The following MEGF9 variants were observed in gnomAD, a reference collection of about 807,000 sequenced individuals.
The protein encoded by MEGF9 is multiple epidermal growth factor-like domains protein 9.
A neutral mutation model predicts 46.8 loss-of-function variants in MEGF9; 6 were observed. The observed-to-expected ratio is 0.13, with a 90% CI of 0.07 to 0.25. MEGF9 has a LOEUF of 0.25. Among genes scored for constraint, MEGF9 ranks in the 10% least tolerant of loss-of-function variants. The pLI, the probability that MEGF9 is intolerant of heterozygous loss-of-function variation, is 1.00. For missense variants in MEGF9, 683 were observed against 792.4 expected (o/e 0.86, Z 1.66); for synonymous variants, 302 against 330.7 (o/e 0.91, Z 0.94).
At position 120,619,380 on chromosome 9, in the gene MEGF9, G is replaced by A. The variant is rs184983421; in HGVS notation, c.943+3236C>T. Among the ~76,000 whole-genome samples, 418 of 152,144 alleles carry A rather than the reference G, an allele frequency of 2.7e-3. 5 individuals are homozygous for A. The highest frequency in any genetic ancestry group is 4.3e-3 in the Non-Finnish European group (289 of 67,996). ...ACAAAACAAAACAAAACATTTTATC[G>A]AGAACATAGTAACAGTTACCATTTA... On this transcript the variant is annotated intron_variant, in intron 3 of 5. Coordinates refer to ENST00000373930, the MANE Select transcript of MEGF9 (RefSeq NM_001080497.3).
chr9:120,647,262 CAT>C (rs1226821171), intron 2 of MEGF9, among the ~76,000 whole-genome samples: 1 of 151,546 alleles, frequency 6.6e-6, no homozygotes, highest in Admixed American at 6.6e-5. Context: ...CTGAAAAAAA[CAT>C]AGAGCTTTCC....
At position 120,624,653 on chromosome 9, in the gene MEGF9, G is replaced by A. The variant is rs377142911; in HGVS notation, c.804-1898C>T. On this transcript the variant is annotated intron_variant, in intron 2 of 5. Transcript: ENST00000373930. ...AGGCTGAGGTGGGTGGGTCACTTGA[G>A]GTCACAAGTTCAAGACCAGTGATCA... Among the ~76,000 whole-genome samples, 34 of 152,154 alleles carry A rather than the reference G, an allele frequency of 2.2e-4. 1 individual carries two copies. In the South Asian group the frequency reaches 7.1e-3, roughly 32 times the overall value.
chr9:120,645,932 C>T, intron 2 of MEGF9, among the ~76,000 whole-genome samples: 1 of 152,068 alleles, frequency 6.6e-6, no homozygotes, highest in East Asian at 1.9e-4. Flanking sequence ...ATTGCTGGAG[C>T]ATAGGAAAGC....
intron 2 of MEGF9, among the ~76,000 whole-genome samples, chr9:120,632,594 C>G (rs2043555388): frequency 6.6e-6 from 1 of 152,092 alleles, no homozygotes; most frequent in Non-Finnish European, 1.5e-5. Flanking sequence ...ATTTCTTTCT[C>G]TTGCCTAATT....
chr9:120,639,175 T>TTTTTTATA (rs2043591454), intron 2 of MEGF9, among the ~76,000 whole-genome samples: 1 of 152,136 alleles, frequency 6.6e-6, no homozygotes, highest in Non-Finnish European at 1.5e-5. Flanking sequence ...TTCCCATATG[T>TTTTTTATA]TTTTTATATT....
chr9:120,704,939 T>C (rs1483387772), intron 1 of MEGF9, among the ~76,000 whole-genome samples: 1 of 152,216 alleles, frequency 6.6e-6, no homozygotes, highest in Non-Finnish European at 1.5e-5. Context: ...CAGGTCATGT[T>C]ATTCATAAAT....
At chr9:120,657,654 A>C (rs2043683526) in intron 2 of MEGF9, among the ~76,000 whole-genome samples, 1 of 152,228 alleles carries the variant, frequency 6.6e-6, no homozygotes, top group South Asian at 2.1e-4. Flanking sequence ...GAAACTTCTG[A>C]ATCTAACTTG....
At chr9:120,618,065 C>G (rs117742198) in intron 3 of MEGF9, among the ~76,000 whole-genome samples, 7 of 151,994 alleles carry the variant, frequency 4.6e-5, no homozygotes, top group Non-Finnish European at 7.4e-5. Context: ...TGGAGATCAA[C>G]GGAGAAATGC....
At chr9:120,613,907 A>T (rs2132300000) in intron 3 of MEGF9, among the ~76,000 whole-genome samples, 1 of 152,340 alleles carries the variant, frequency 6.6e-6, no homozygotes, top group African/African-American at 2.4e-5. Flanking sequence ...AAATATTTTT[A>T]AAAGGGGAGA....
chr9:120,652,857 A>C (rs768192571), intron 2 of MEGF9, among the ~76,000 whole-genome samples: 20 of 152,142 alleles, frequency 1.3e-4, no homozygotes, highest in Non-Finnish European at 2.9e-4. Context: ...TCTTCTATCT[A>C]ACTGTATTTT....
Position 120,622,626 on chromosome 9 carries a change from A to G in MEGF9, c.933T>C (p.Asp311=), listed in dbSNP as rs746332854. 5 of 1,613,790 alleles carry G rather than the reference A, an allele frequency of 3.1e-6. No individual in the cohort carries two copies. Among genetic ancestry groups the G allele is most frequent in the Non-Finnish European group, 3.4e-6 (4 of 1,179,844 alleles). Residue 311 remains aspartate (D), a synonymous_variant, in exon 3 of 6, where the codon GAT becomes GAC. Transcript: ENST00000373930. ...CQCNNRSASC[D]ALTGACLNCQ... ...AAGGAAAGTACGTACCTGTGAGGGC[A>G]TCGCAACTGGCAGACCGATTATTGC...
chr9:120,695,374 G>C, intron 1 of MEGF9, among the ~76,000 whole-genome samples: 1 of 152,040 alleles, frequency 6.6e-6, no homozygotes, highest in Non-Finnish European at 1.5e-5. Flanking sequence ...GGGAAGCCAA[G>C]GCAGGCAAAT....
intron 1 of MEGF9, among the ~76,000 whole-genome samples, chr9:120,673,973 A>AC (rs2043761846): frequency 6.6e-6 from 1 of 151,276 alleles, no homozygotes; most frequent in Admixed American, 6.6e-5. Context: ...CCGTCTCAAA[A>AC]AAAAAAAAAA....
chr9:120,712,276 CAAAA>C (rs1283130772), intron 1 of MEGF9, among the ~76,000 whole-genome samples: 1 of 151,886 alleles, frequency 6.6e-6, no homozygotes, highest in African/African-American at 2.4e-5. Flanking sequence ...AAAACAAAAA[CAAAA>C]AAAGTCTTCA....
chr9:120,683,061 A>G (rs927269229), intron 1 of MEGF9, among the ~76,000 whole-genome samples: 3 of 152,160 alleles, frequency 2.0e-5, no homozygotes, highest in Non-Finnish European at 2.9e-5. Flanking sequence ...GAGAATATAC[A>G]TATTAGAAAG....
intron 2 of MEGF9, among the ~76,000 whole-genome samples, chr9:120,636,415 A>T (rs562090808): frequency 6.6e-6 from 1 of 152,346 alleles, no homozygotes; most frequent in East Asian, 1.9e-4. Context: ...TAAGCATCTC[A>T]GTGGCATAGG....
chr9:120,684,753 C>G (rs934643198), intron 1 of MEGF9, among the ~76,000 whole-genome samples: 2 of 152,164 alleles, frequency 1.3e-5, no homozygotes, highest in African/African-American at 2.4e-5. Context: ...AACACATATA[C>G]GCCATGTATA....
At chr9:120,626,764 A>G (rs1185965518) in intron 2 of MEGF9, among the ~76,000 whole-genome samples, 1 of 152,234 alleles carries the variant, frequency 6.6e-6, no homozygotes, top group Admixed American at 6.5e-5. Context: ...TCTACTAGTG[A>G]CTAGCTGGCA....
chr9:120,693,553 C>G (rs541827886), intron 1 of MEGF9, among the ~76,000 whole-genome samples: 1 of 152,246 alleles, frequency 6.6e-6, no homozygotes, highest in African/African-American at 2.4e-5. Flanking sequence ...CAAGAAAGAC[C>G]ATATGCTAAG....
Sources: gnomAD v4.1 joint callset for allele counts (sites outside exome capture counted in the v4.1 genomes callset) on GRCh38, gnomAD v4.1.1 for gene constraint, MANE v1.5 for transcripts, NCBI Gene and HGNC (gene_info 2026-07-23, HGNC 2026-07-21) for gene names.